The following ERBB4 variants were observed in gnomAD, a reference collection of about 807,000 sequenced individuals.
ERBB4 encodes the protein erb-b2 receptor tyrosine kinase 4.
Under a neutral mutation model 158.0 loss-of-function variants are expected in ERBB4, and 42 were observed. That is an observed-to-expected ratio of 0.27 (90% CI 0.21 to 0.34). The LOEUF (loss-of-function observed/expected upper bound fraction) is 0.34, where lower values mean the gene tolerates loss of function less well. ERBB4 is among the 10% of genes least tolerant of loss of function. The pLI is 1.00. For synonymous variants in ERBB4, 583 were observed against 558.7 expected (o/e 1.04, Z -0.61); for missense variants, 1,333 against 1,624.1 (o/e 0.82, Z 3.08).
At chr2:211,551,604 T>C (rs184146045) in intron 20 of ERBB4, among the ~76,000 whole-genome samples, 14,841 of 149,590 alleles carry the variant, frequency 0.099, 932 homozygotes, top group Non-Finnish European at 0.14. Flanking sequence ...GTGCCAATTT[T>C]ATGTTTTCTA....
chr2:211,865,565 G>T (rs932652576), intron 3 of ERBB4, among the ~76,000 whole-genome samples: 3 of 152,068 alleles, frequency 2.0e-5, no homozygotes, highest in Non-Finnish European at 4.4e-5. Context: ...TTGGCTCACT[G>T]CAACTTCTGC....
At chr2:211,653,810 G>T (rs554278407) in intron 16 of ERBB4, among the ~76,000 whole-genome samples, 1 of 152,046 alleles carries the variant, frequency 6.6e-6, no homozygotes, top group East Asian at 1.9e-4. Flanking sequence ...GAGTAGCTGG[G>T]ACTACAGGCA....
At chr2:211,513,648 C>T (rs2065945091) in intron 20 of ERBB4, among the ~76,000 whole-genome samples, 1 of 152,014 alleles carries the variant, frequency 6.6e-6, no homozygotes, top group African/African-American at 2.4e-5. Flanking sequence ...CATTCCTTTT[C>T]AAACCCCAGG....
intron 3 of ERBB4, among the ~76,000 whole-genome samples, chr2:211,861,004 ATATTTATATATT>A (rs2078002516): frequency 1.5e-4 from 4 of 26,416 alleles, no homozygotes; most frequent in African/African-American, 1.4e-3. Context: ...AATATATTAT[ATATTTATATATT>A]TATATATATA....
intron 20 of ERBB4, among the ~76,000 whole-genome samples, chr2:211,485,048 G>A (rs990083340): frequency 6.6e-6 from 1 of 152,148 alleles, no homozygotes; most frequent in Non-Finnish European, 1.5e-5. Flanking sequence ...GCATCCATCA[G>A]ACCATCCACA....
At chr2:212,406,953 T>C (rs1189161208) in intron 1 of ERBB4, among the ~76,000 whole-genome samples, 2 of 151,994 alleles carry the variant, frequency 1.3e-5, no homozygotes, top group Non-Finnish European at 2.9e-5. Flanking sequence ...CATACTCTTC[T>C]CTCTGCACAA....
chr2:211,894,006 T>C (rs1219582698), intron 3 of ERBB4, among the ~76,000 whole-genome samples: 2 of 145,012 alleles, frequency 1.4e-5, no homozygotes, highest in Non-Finnish European at 3.0e-5. Context: ...AGTGTGGCGA[T>C]TCCTCAGGGA....
intron 3 of ERBB4, among the ~76,000 whole-genome samples, chr2:211,805,451 G>T (rs1023108116): frequency 6.6e-6 from 1 of 152,172 alleles, no homozygotes; most frequent in African/African-American, 2.4e-5. Flanking sequence ...ACAAGAGTAT[G>T]AGCATAGAAA....
At chr2:211,467,292 C>A (rs532447089) in intron 20 of ERBB4, among the ~76,000 whole-genome samples, 2 of 152,268 alleles carry the variant, frequency 1.3e-5, no homozygotes, top group South Asian at 4.1e-4. Flanking sequence ...TCTGACTCAA[C>A]CACCCATCAG....
At chr2:212,485,495 C>T (rs1420845847) in intron 1 of ERBB4, among the ~76,000 whole-genome samples, 2 of 152,050 alleles carry the variant, frequency 1.3e-5, no homozygotes, top group African/African-American at 4.8e-5. Flanking sequence ...AATGAACTAA[C>T]CAGAAAGAGA....
chr2:211,568,138 A>AT (rs10707880), intron 19 of ERBB4, among the ~76,000 whole-genome samples: 90 of 148,746 alleles, frequency 6.1e-4, no homozygotes, highest in East Asian at 2.4e-3. Context: ...TTGCTTTACA[A>AT]TTTTTTTTTT....
intron 1 of ERBB4, among the ~76,000 whole-genome samples, chr2:212,260,080 A>AG (rs200030439): frequency 0.47 from 69,762 of 149,178 alleles, 16,683 homozygotes; most frequent in East Asian, 0.75. Flanking sequence ...GAAAAAAAAA[A>AG]AAAAAGAAAA....
chr2:212,205,699 C>A (rs563025884), intron 1 of ERBB4, among the ~76,000 whole-genome samples: 1 of 152,160 alleles, frequency 6.6e-6, no homozygotes, highest in East Asian at 1.9e-4. Context: ...AACAAATACA[C>A]CATCTTTTAC....
intron 3 of ERBB4, among the ~76,000 whole-genome samples, chr2:211,868,785 G>C (rs2078270982): frequency 6.6e-6 from 1 of 152,010 alleles, no homozygotes; most frequent in African/African-American, 2.4e-5. Context: ...TTAGTGTCAT[G>C]GTTCTTGTCT....
In ERBB4 at chr2:211,910,245, T is replaced by C. The variant is rs372178987; in HGVS notation, c.421+37185A>G. On this transcript the variant is annotated intron_variant, in intron 3 of 27. Transcript: ENST00000342788. ...TTTAATAAATTTAAATTGTTCATAT[T>C]TGCAGATGATTAGCTTATAGTTTAA... Among the ~76,000 whole-genome samples the C allele has an allele frequency of 5.3e-5, 8 of 151,632 alleles. No individual in the cohort carries two copies. In the South Asian group the frequency reaches 1.3e-3, roughly 24 times the overall value.
intron 1 of ERBB4, among the ~76,000 whole-genome samples, chr2:212,421,987 T>TATGCAAACATGCA (rs1222218949): frequency 5.3e-5 from 8 of 152,096 alleles, no homozygotes; most frequent in African/African-American, 1.9e-4. Flanking sequence ...CAGAAAAGAG[T>TATGCAAACATGCA]TATTACTTCA....
chr2:211,872,882 G>A (rs2078387590), intron 3 of ERBB4, among the ~76,000 whole-genome samples: 1 of 151,378 alleles, frequency 6.6e-6, no homozygotes, highest in Non-Finnish European at 1.5e-5. Flanking sequence ...ACAAGGTGGA[G>A]GGAGAACAAG....
chr2:212,524,334 G>A (rs982456598), intron 1 of ERBB4, among the ~76,000 whole-genome samples: 1 of 151,820 alleles, frequency 6.6e-6, no homozygotes, highest in Non-Finnish European at 1.5e-5. Flanking sequence ...GACCTCCAGG[G>A]ATAGTCCCAT....
intron 1 of ERBB4, among the ~76,000 whole-genome samples, chr2:212,365,330 T>G (rs2089847898): frequency 6.6e-6 from 1 of 151,776 alleles, no homozygotes; most frequent in Non-Finnish European, 1.5e-5. Context: ...TTTGGAATAA[T>G]ATATCCCCAT....
Sources: gnomAD v4.1 joint callset for allele counts (sites outside exome capture counted in the v4.1 genomes callset) on GRCh38, gnomAD v4.1.1 for gene constraint, MANE v1.5 for transcripts, NCBI Gene and HGNC (gene_info 2026-07-23, HGNC 2026-07-21) for gene names.